The following EPAS1 variants were observed in gnomAD, a reference collection of about 807,000 sequenced individuals.
EPAS1 encodes endothelial PAS domain-containing protein 1.
In EPAS1, 23 loss-of-function variants were observed where a neutral mutation model predicts 87.9. The ratio of observed to expected loss-of-function variants is 0.26; its 90% confidence interval spans 0.19 to 0.37. The LOEUF is 0.37. EPAS1 is among the 10% of genes least tolerant of loss of function. The probability of loss-of-function intolerance (pLI) is 1.00; values close to 1 mark genes in which losing one functional copy is unlikely to be tolerated. For synonymous variants in EPAS1, 508 were observed against 444.3 expected, an observed-to-expected ratio of 1.14 and a Z score of -1.80; for missense variants, 1,138 against 1,120.7, an observed-to-expected ratio of 1.02 and a Z score of -0.22.
intron 1 of EPAS1, among the ~76,000 whole-genome samples, chr2:46,313,123 A>T (rs1683245975): frequency 6.6e-6 from 1 of 152,200 alleles, no homozygotes; most frequent in Non-Finnish European, 1.5e-5. Flanking sequence ...CACCTAAAAG[A>T]TACCTTGTCC....
chr2:46,377,246 C>T (rs1038740137), intron 9 of EPAS1, among the ~76,000 whole-genome samples: 5 of 152,242 alleles, frequency 3.3e-5, no homozygotes, highest in Admixed American at 6.5e-5. Context: ...CTCAAACCCA[C>T]GACTTCATTA....
chr2:46,365,923 T>C (rs568118548), intron 6 of EPAS1, among the ~76,000 whole-genome samples: 1 of 152,366 alleles, frequency 6.6e-6, no homozygotes, highest in East Asian at 1.9e-4. Flanking sequence ...TATTAGCAGA[T>C]ACATTCTTTG....
chr2:46,368,725 C>G (rs746244951), intron 6 of EPAS1, among the ~76,000 whole-genome samples: 19 of 152,096 alleles, frequency 1.2e-4, no homozygotes, highest in Non-Finnish European at 1.0e-4. Flanking sequence ...GTCATGCCTT[C>G]TGAAGTAGAG....
intron 1 of EPAS1, among the ~76,000 whole-genome samples, chr2:46,337,380 G>A (rs1471370033): frequency 1.3e-5 from 2 of 152,182 alleles, no homozygotes; most frequent in Non-Finnish European, 2.9e-5. Flanking sequence ...ATTCAGACAG[G>A]CCTGGGAGAT....
intron 1 of EPAS1, among the ~76,000 whole-genome samples, chr2:46,305,739 A>G (rs1683099798): frequency 6.6e-6 from 1 of 152,112 alleles, no homozygotes; most frequent in Admixed American, 6.5e-5. Flanking sequence ...CAGCCATGGA[A>G]CTCTCCTATT....
rs1199645574 is a variant in EPAS1 at position 46,376,740 on chromosome 2, C to T, written c.1236C>T (p.Ile412=). Reference sequence around the variant, plus strand: ...CTCCCACCCCAGGAGACGCCATCATCTCTCTGGATTTCGGTGGGTGCTTCT... The same window carrying T: ...CTCCCACCCCAGGAGACGCCATCATTTCTCTGGATTTCGGTGGGTGCTTCT... ...QLAPTPGDAI[I]SLDFGNQNFE... The change falls in exon 9 of 16, where the codon ATC becomes ATT. Residue 412 remains isoleucine (I), a synonymous_variant. Transcript: ENST00000263734. 1 of 1,612,472 alleles carries T rather than the reference C, an allele frequency of 6.2e-7. No individual in the cohort carries two copies. Among genetic ancestry groups the T allele is most frequent in the Non-Finnish European group, 8.5e-7 (1 of 1,179,938 alleles).
At chr2:46,374,298 C>T (rs1164172083) in intron 7 of EPAS1, among the ~76,000 whole-genome samples, 1 of 152,178 alleles carries the variant, frequency 6.6e-6, no homozygotes, top group Non-Finnish European at 1.5e-5. Context: ...CCTGGATATC[C>T]TCCCGAGTGG....
intron 1 of EPAS1, among the ~76,000 whole-genome samples, chr2:46,342,464 C>T (rs542333874): frequency 9.8e-5 from 15 of 152,344 alleles, no homozygotes; most frequent in African/African-American, 3.4e-4. Flanking sequence ...ATCTCTTTAC[C>T]TGCTGAAATC....
chr2:46,378,191 T>A, intron 10 of EPAS1, 104 bp downstream of exon 10: 1 of 1,508,552 alleles, frequency 6.6e-7, no homozygotes, highest in East Asian at 2.5e-5. Flanking sequence ...CTTCTCAGGT[T>A]ATCACAGAGC....
intron 1 of EPAS1, among the ~76,000 whole-genome samples, chr2:46,299,200 C>T (rs972796509): frequency 2.6e-5 from 4 of 152,252 alleles, no homozygotes; most frequent in African/African-American, 9.6e-5. Flanking sequence ...CGGTCGAAAG[C>T]AGCGGTTCCC....
At position 46,385,270 on chromosome 2, in the gene EPAS1, T is replaced by C. The variant is rs1490389983; in HGVS notation, c.*610T>C. On this transcript the variant is annotated 3_prime_UTR_variant, in exon 16 of 16. Transcript: ENST00000263734. ...GAAGGGTCAACTCCAACGTATGTGG[T>C]TATCTGTGAAAGTTGCACAGCGTGG... The C allele has an allele frequency of 6.5e-6, 1 of 152,978 alleles. No homozygotes were observed. Among genetic ancestry groups the C allele is most frequent in the African/African-American group, 2.4e-5 (1 of 41,422 alleles). The allele number at this position is 152,978 out of a possible 1,614,324, so 9.5% of individuals were successfully genotyped here.
At chr2:46,332,499 C>T (rs549161716) in intron 1 of EPAS1, among the ~76,000 whole-genome samples, 2 of 152,238 alleles carry the variant, frequency 1.3e-5, no homozygotes, top group East Asian at 3.9e-4. Context: ...TTAACCCCCT[C>T]CTCGTCTGAT....
intron 1 of EPAS1, among the ~76,000 whole-genome samples, chr2:46,310,486 C>G (rs1683189247): frequency 6.6e-6 from 1 of 152,218 alleles, no homozygotes; most frequent in South Asian, 2.1e-4. Context: ...CCAAGCTGTT[C>G]CTTGACCTTC....
intron 1 of EPAS1, among the ~76,000 whole-genome samples, chr2:46,344,668 G>A (rs1326486448): frequency 1.3e-5 from 2 of 152,222 alleles, no homozygotes; most frequent in Non-Finnish European, 2.9e-5. Context: ...CTGAGAAGGT[G>A]GGGAAAGGGG....
chr2:46,307,282 T>G (rs912598695), intron 1 of EPAS1, among the ~76,000 whole-genome samples: 1 of 152,204 alleles, frequency 6.6e-6, no homozygotes, highest in African/African-American at 2.4e-5. Flanking sequence ...CTCTGGGGCC[T>G]GGGTTTGGAG....
At chr2:46,337,376 A>G (rs1233656159) in intron 1 of EPAS1, among the ~76,000 whole-genome samples, 1 of 152,198 alleles carries the variant, frequency 6.6e-6, no homozygotes, top group African/African-American at 2.4e-5. Flanking sequence ...CCTAATTCAG[A>G]CAGGCCTGGG....
At chr2:46,299,268 C>G (rs181225777) in intron 1 of EPAS1, among the ~76,000 whole-genome samples, 2 of 152,204 alleles carry the variant, frequency 1.3e-5, no homozygotes, top group Admixed American at 6.5e-5. Context: ...TGTCCTGGCT[C>G]GGCGCCCGGG....
chr2:46,383,957 C>G (rs760383634), intron 15 of EPAS1, among the ~76,000 whole-genome samples: 2 of 152,190 alleles, frequency 1.3e-5, no homozygotes, highest in Non-Finnish European at 2.9e-5. Context: ...CTGCTGCCAC[C>G]TAAGCCTTTC....
intron 15 of EPAS1, among the ~76,000 whole-genome samples, chr2:46,383,088 C>T (rs1024526280): frequency 1.3e-5 from 2 of 152,208 alleles, no homozygotes; most frequent in African/African-American, 2.4e-5. Context: ...GAGCTTGCTG[C>T]GTGGAGAAGG....
Sources: allele counts gnomAD v4.1 joint callset (sites outside exome capture counted in the v4.1 genomes callset), GRCh38; gene constraint gnomAD v4.1.1; transcripts MANE v1.5; gene names NCBI Gene and HGNC (gene_info 2026-07-23, HGNC 2026-07-21).